TLK2: variants seen among roughly 807,000 people sequenced by gnomAD.
TLK2 encodes the protein tousled like kinase 2.
In TLK2, 6 loss-of-function variants were observed where a neutral mutation model predicts 117.3. The ratio of observed to expected loss-of-function variants is 0.05; its 90% CI spans 0.03 to 0.10. TLK2 has a LOEUF of 0.10. Among genes scored for constraint, TLK2 ranks in the 10% least tolerant of loss-of-function variants. The pLI is 1.00. For missense variants in TLK2, 299 were observed against 901.2 expected (o/e 0.33, Z 8.56); for synonymous variants, 257 against 316.7 (o/e 0.81, Z 2.00).
intron 2 of TLK2, among the ~76,000 whole-genome samples, chr17:62,493,343 A>C (rs1374660018): frequency 6.6e-6 from 1 of 152,208 alleles, no homozygotes; most frequent in Non-Finnish European, 1.5e-5. Flanking sequence ...ATTTCATTGT[A>C]TGCATATACC....
At chr17:62,505,854 G>A (rs943150541) in intron 2 of TLK2, among the ~76,000 whole-genome samples, 1 of 152,026 alleles carries the variant, frequency 6.6e-6, no homozygotes, top group Non-Finnish European at 1.5e-5. Flanking sequence ...ATCATGCCTG[G>A]CTAATTATTT....
intron 12 of TLK2, among the ~76,000 whole-genome samples, chr17:62,573,793 G>C (rs2080515052): frequency 6.6e-6 from 1 of 152,170 alleles, no homozygotes; most frequent in Non-Finnish European, 1.5e-5. Context: ...CACAAACTTA[G>C]GATAAGCCCC....
intron 6 of TLK2, among the ~76,000 whole-genome samples, chr17:62,527,892 G>A (rs1474946947): frequency 1.1e-4 from 16 of 151,712 alleles, no homozygotes; most frequent in South Asian, 2.1e-4. Flanking sequence ...ACAGACACGC[G>A]CCACCACGCC....
chr17:62,488,944 G>A (rs2072791918), intron 2 of TLK2, among the ~76,000 whole-genome samples: 2 of 148,268 alleles, frequency 1.3e-5, no homozygotes, highest in South Asian at 4.3e-4. Flanking sequence ...TCCCGCCTCA[G>A]CCTCCTGAGT....
intron 20 of TLK2, among the ~76,000 whole-genome samples, chr17:62,607,752 T>C (rs1259927378): frequency 6.6e-6 from 1 of 152,186 alleles, no homozygotes; most frequent in African/African-American, 2.4e-5. Flanking sequence ...GATCTCCCTT[T>C]TCTCTGGTGT....
intron 1 of TLK2, among the ~76,000 whole-genome samples, chr17:62,471,693 T>C (rs1454677152): frequency 1.3e-5 from 2 of 151,970 alleles, no homozygotes; most frequent in Admixed American, 6.6e-5. Flanking sequence ...GCTCCTCTGC[T>C]GTCCTAACTT....
At chr17:62,598,632 C>T (rs901142119) in intron 17 of TLK2, among the ~76,000 whole-genome samples, 3 of 152,034 alleles carry the variant, frequency 2.0e-5, no homozygotes, top group African/African-American at 7.2e-5. Flanking sequence ...TCAAGCGATT[C>T]TCCTACCTCA....
intron 12 of TLK2, among the ~76,000 whole-genome samples, chr17:62,574,716 A>G (rs1378357445): frequency 4.6e-5 from 7 of 152,104 alleles, no homozygotes; most frequent in South Asian, 2.1e-4. Context: ...GAGTTTCTCC[A>G]TGTTGGCCAG....
chr17:62,513,166 C>T (rs2075294967), intron 2 of TLK2, among the ~76,000 whole-genome samples: 1 of 151,824 alleles, frequency 6.6e-6, no homozygotes, highest in South Asian at 2.1e-4. Context: ...AGGTGTGAGC[C>T]ACCACACCCG....
chr17:62,547,551 A>G (rs2078042217), intron 7 of TLK2, among the ~76,000 whole-genome samples: 1 of 152,094 alleles, frequency 6.6e-6, no homozygotes, highest in South Asian at 2.1e-4. Flanking sequence ...TTTCATTTTC[A>G]TGAGGATTTT....
At chr17:62,516,540 G>A (rs1451828527) in intron 2 of TLK2, 93 of 1,609,166 alleles carry the variant, frequency 5.8e-5, no homozygotes, top group Middle Eastern at 2.1e-4. Context: ...GGAGATACTG[G>A]ATACACTCAT....
chr17:62,602,239 G>A, intron 19 of TLK2, 59 bp downstream of exon 19: 1 of 1,552,638 alleles, frequency 6.4e-7, no homozygotes, highest in South Asian at 1.2e-5. Context: ...CTATGCTGAA[G>A]TGTTGATAAT....
chr17:62,570,085 C>T (rs964598944), intron 11 of TLK2, among the ~76,000 whole-genome samples: 19 of 152,128 alleles, frequency 1.2e-4, no homozygotes, highest in Non-Finnish European at 2.1e-4. Context: ...ATAAGGATAC[C>T]GGTCATATTG....
At chr17:62,503,708 A>AC (rs2074414329) in intron 2 of TLK2, among the ~76,000 whole-genome samples, 1 of 135,636 alleles carries the variant, frequency 7.4e-6, no homozygotes, top group African/African-American at 2.8e-5. Context: ...CATGAGCCAC[A>AC]GCATCTGGCC....
At chr17:62,488,008 C>G (rs1292470231) in intron 2 of TLK2, among the ~76,000 whole-genome samples, 8 of 151,990 alleles carry the variant, frequency 5.3e-5, no homozygotes, top group Non-Finnish European at 1.2e-4. Flanking sequence ...GGCATGATCT[C>G]TGCTCACAGC....
At chr17:62,516,637 T>C in intron 2 of TLK2, 3 of 1,610,208 alleles carry the variant, frequency 1.9e-6, no homozygotes, top group Non-Finnish European at 2.5e-6. Flanking sequence ...CTTCATGACA[T>C]GAAGGTTGGG....
intron 15 of TLK2, among the ~76,000 whole-genome samples, chr17:62,583,036 G>A (rs1567967815): frequency 6.6e-6 from 1 of 152,046 alleles, no homozygotes; most frequent in Non-Finnish European, 1.5e-5. Context: ...ATGGACACTT[G>A]GGTTGCTTCC....
upstream of TLK2, among the ~76,000 whole-genome samples, chr17:62,476,850 G>A (rs1384398811): frequency 1.3e-5 from 2 of 151,944 alleles, no homozygotes; most frequent in African/African-American, 4.8e-5. Context: ...GGGAGGCTGA[G>A]ATGGGCGGAT....
intron 6 of TLK2, among the ~76,000 whole-genome samples, chr17:62,527,971 G>T (rs1372645237): frequency 2.6e-5 from 4 of 152,118 alleles, no homozygotes; most frequent in Non-Finnish European, 4.4e-5. Context: ...TCGATCTCTT[G>T]ACCTCGTGAT....
Sources: gnomAD v4.1 joint callset for allele counts (sites outside exome capture counted in the v4.1 genomes callset) on GRCh38, gnomAD v4.1.1 for gene constraint, MANE v1.5 for transcripts, NCBI Gene and HGNC (gene_info 2026-07-23, HGNC 2026-07-21) for gene names.